NEBL: variants seen among roughly 807,000 people sequenced by gnomAD.
NEBL encodes the protein LIM and SH3 protein 2.
NEBL carries 122 observed loss-of-function variants against 140.2 expected under a neutral mutation model. The observed-to-expected ratio is 0.87, with a 90% CI of 0.75 to 1.01. The LOEUF is 1.01. Ranked by LOEUF, NEBL falls within the 50% of genes least tolerant of loss-of-function variation. The pLI, the probability that NEBL is intolerant of heterozygous loss-of-function variation, is 0.00. For synonymous variants in NEBL, 436 were observed against 398.9 expected (o/e 1.09, Z -1.11); for missense variants, 1,365 against 1,231.3 (o/e 1.11, Z -1.62).
intron 26 of NEBL, among the ~76,000 whole-genome samples, chr10:20,803,751 G>C (rs1837341967): frequency 6.6e-6 from 1 of 150,410 alleles, no homozygotes; most frequent in Admixed American, 6.6e-5. Context: ...ACATTTCAAA[G>C]GGGACCCTAA....
intron 3 of NEBL, among the ~76,000 whole-genome samples, chr10:20,976,474 A>G (rs1836804095): frequency 6.6e-6 from 1 of 152,184 alleles, no homozygotes; most frequent in South Asian, 2.1e-4. Flanking sequence ...GCACTTGTAC[A>G]TTTATCACAG....
intron 1 of NEBL, among the ~76,000 whole-genome samples, chr10:21,260,117 T>C (rs1212304586): frequency 6.6e-6 from 1 of 152,230 alleles, no homozygotes; most frequent in East Asian, 1.9e-4. Flanking sequence ...TTGCTTGAAA[T>C]GGTTTGCATT....
At chr10:20,995,696 T>C (rs559786245) in intron 3 of NEBL, among the ~76,000 whole-genome samples, 25 of 152,282 alleles carry the variant, frequency 1.6e-4, no homozygotes, top group Non-Finnish European at 3.2e-4. Flanking sequence ...CTTGAATTCC[T>C]TTTTAAATTT....
At chr10:21,102,074 A>G (rs1837504100) in intron 2 of NEBL, among the ~76,000 whole-genome samples, 1 of 152,196 alleles carries the variant, frequency 6.6e-6, no homozygotes. Context: ...TATCCTGAAC[A>G]ATTCATTTTA....
intron 2 of NEBL, among the ~76,000 whole-genome samples, chr10:21,154,653 G>T (rs182019031): frequency 5.3e-5 from 8 of 152,230 alleles, no homozygotes; most frequent in Admixed American, 5.2e-4. Flanking sequence ...AGAGATGCTG[G>T]ATGTGCACTT....
chr10:20,940,797 A>G (rs1260154876), intron 4 of NEBL, among the ~76,000 whole-genome samples: 2 of 152,176 alleles, frequency 1.3e-5, no homozygotes, highest in Non-Finnish European at 2.9e-5. Flanking sequence ...ATCAGAGAAT[A>G]CTATAAACAC....
chr10:21,126,124 C>A, intron 2 of NEBL: 2 of 1,605,262 alleles, frequency 1.2e-6, no homozygotes, highest in South Asian at 2.2e-5. Flanking sequence ...CTTACCAGGC[C>A]TATGGGATAA....
At chr10:21,162,507 C>A (rs1043442810) in intron 2 of NEBL, among the ~76,000 whole-genome samples, 2 of 152,184 alleles carry the variant, frequency 1.3e-5, no homozygotes, top group Admixed American at 6.5e-5. Flanking sequence ...ATCAGAATTG[C>A]ATTGCGGTAT....
intron 4 of NEBL, among the ~76,000 whole-genome samples, chr10:20,924,681 A>C (rs1833795721): frequency 6.6e-6 from 1 of 152,204 alleles, no homozygotes; most frequent in African/African-American, 2.4e-5. Flanking sequence ...AGGTGAGGGA[A>C]GGTGAGGAAA....
intron 4 of NEBL, among the ~76,000 whole-genome samples, chr10:20,884,099 G>T (rs1846250010): frequency 6.6e-6 from 1 of 152,074 alleles, no homozygotes; most frequent in African/African-American, 2.4e-5. Context: ...GAGTCCACTT[G>T]CAATAGTCAT....
At chr10:21,028,254 A>AAAGAAG in intron 2 of NEBL, among the ~76,000 whole-genome samples, 1 of 70,348 alleles carries the variant, frequency 1.4e-5, no homozygotes, top group African/African-American at 5.6e-5. Flanking sequence ...AAAAAAAAAA[A>AAAGAAG]AAGAAGAAGA....
At chr10:21,144,651 G>T (rs533299253) in intron 2 of NEBL, among the ~76,000 whole-genome samples, 14 of 152,124 alleles carry the variant, frequency 9.2e-5, no homozygotes, top group African/African-American at 3.4e-4. Context: ...ACTTGAACCC[G>T]GGGAGTTGGA....
At chr10:20,993,141 C>T (rs1467125378) in intron 3 of NEBL, among the ~76,000 whole-genome samples, 2 of 151,876 alleles carry the variant, frequency 1.3e-5, no homozygotes, top group Non-Finnish European at 2.9e-5. Flanking sequence ...ATCGTGTCTA[C>T]GTGACGTTTT....
intron 3 of NEBL, among the ~76,000 whole-genome samples, chr10:20,994,754 G>GA (rs1837598799): frequency 6.6e-6 from 1 of 152,178 alleles, no homozygotes; most frequent in Non-Finnish European, 1.5e-5. Flanking sequence ...GTAAGCTAGA[G>GA]AAAAAATGTT....
intron 4 of NEBL, among the ~76,000 whole-genome samples, chr10:20,954,770 G>A (rs1322197858): frequency 6.6e-6 from 1 of 152,144 alleles, no homozygotes; most frequent in Admixed American, 6.6e-5. Flanking sequence ...CTACCCTAGT[G>A]GGCAGGCTGG....
At chr10:20,931,485 C>T (rs1323830031) in intron 4 of NEBL, among the ~76,000 whole-genome samples, 1 of 152,152 alleles carries the variant, frequency 6.6e-6, no homozygotes, top group Non-Finnish European at 1.5e-5. Context: ...AAATGTTCCT[C>T]TAAACTAACA....
At chr10:21,107,338 T>C (rs1837766522) in intron 2 of NEBL, among the ~76,000 whole-genome samples, 1 of 152,194 alleles carries the variant, frequency 6.6e-6, no homozygotes, top group Non-Finnish European at 1.5e-5. Flanking sequence ...TTGAGATACG[T>C]TCCATCAATA....
At chr10:20,823,156 A>G (rs1839514359) in intron 19 of NEBL, 52 bp downstream of exon 19, 6 of 1,302,342 alleles carry the variant, frequency 4.6e-6, no homozygotes, top group Non-Finnish European at 2.2e-6. Context: ...TGCTGTCATT[A>G]CGTGTTGATA....
intron 3 of NEBL, among the ~76,000 whole-genome samples, chr10:21,208,240 G>A (rs1403006780): frequency 6.6e-6 from 1 of 152,190 alleles, no homozygotes; most frequent in Non-Finnish European, 1.5e-5. Flanking sequence ...CTCAGCTCAT[G>A]GGGGTCCTTC....
Sources: allele counts gnomAD v4.1 joint callset (sites outside exome capture counted in the v4.1 genomes callset), GRCh38; gene constraint gnomAD v4.1.1; transcripts MANE v1.5; gene names NCBI Gene and HGNC (gene_info 2026-07-23, HGNC 2026-07-21).